The following SUMF1 variants were observed in gnomAD, a reference collection of about 807,000 sequenced individuals.
SUMF1 encodes formylglycine-generating enzyme.
SUMF1 carries 48 observed loss-of-function variants against 47.6 expected under a neutral mutation model. The observed-to-expected ratio is 1.01, with a 90% CI of 0.80 to 1.28. SUMF1 has a LOEUF of 1.28. Among genes scored for constraint, SUMF1 ranks in the 50% most tolerant of loss-of-function variants. The pLI is 0.00. For missense variants in SUMF1, 571 were observed against 485.4 expected, an observed-to-expected ratio of 1.18 and a Z score of -1.66; for synonymous variants, 230 against 192.1, an observed-to-expected ratio of 1.20 and a Z score of -1.63.
At chr3:4,292,806 C>CT (rs964066396) in intron 8 of SUMF1, among the ~76,000 whole-genome samples, 1 of 152,152 alleles carries the variant, frequency 6.6e-6, no homozygotes, top group African/African-American at 2.4e-5. Context: ...CAAAAATGCT[C>CT]TTTGGGGGAA....
At chr3:4,353,399 C>G (rs1041886834) in intron 8 of SUMF1, among the ~76,000 whole-genome samples, 12 of 152,122 alleles carry the variant, frequency 7.9e-5, no homozygotes, top group African/African-American at 2.7e-4. Flanking sequence ...ACTACAGGCA[C>G]CCGCCACCAC....
At chr3:4,265,778 A>C (rs1023468569) in intron 8 of SUMF1, among the ~76,000 whole-genome samples, 1 of 152,102 alleles carries the variant, frequency 6.6e-6, no homozygotes, top group Non-Finnish European at 1.5e-5. Flanking sequence ...CATTGCTTTT[A>C]GTGTTTTAGA....
At chr3:4,079,138 G>A (rs1692503810) in intron 8 of SUMF1, among the ~76,000 whole-genome samples, 1 of 151,894 alleles carries the variant, frequency 6.6e-6, no homozygotes, top group African/African-American at 2.4e-5. Flanking sequence ...CACACTAACC[G>A]CGAATTCAAG....
chr3:4,093,873 G>A (rs2125055366), intron 8 of SUMF1, among the ~76,000 whole-genome samples: 1 of 152,208 alleles, frequency 6.6e-6, no homozygotes, highest in African/African-American at 2.4e-5. Context: ...CCTATGGACA[G>A]TTGAAAAGTA....
chr3:4,139,568 A>ATGTGTGTGTGTGTGTG (rs370162925), intron 8 of SUMF1, among the ~76,000 whole-genome samples: 1 of 150,194 alleles, frequency 6.7e-6, no homozygotes, highest in Non-Finnish European at 1.5e-5. Context: ...ATATATATGC[A>ATGTGTGTGTGTGTGTG]TGTGTGTGTG....
chr3:4,180,479 T>C (rs1277374136), intron 8 of SUMF1, among the ~76,000 whole-genome samples: 1 of 150,466 alleles, frequency 6.6e-6, no homozygotes, highest in African/African-American at 2.5e-5. Flanking sequence ...CACTCATAGG[T>C]GGGAATTGAA....
At chr3:4,422,892 C>T (rs60440597) in intron 3 of SUMF1, among the ~76,000 whole-genome samples, 2,310 of 152,068 alleles carry the variant, frequency 0.015, 70 homozygotes, top group African/African-American at 0.053. Flanking sequence ...GATTTTGGTG[C>T]ACCCATCTCC....
chr3:4,384,698 T>G (rs1321060684), intron 7 of SUMF1, among the ~76,000 whole-genome samples: 1 of 152,174 alleles, frequency 6.6e-6, no homozygotes, highest in East Asian at 1.9e-4. Flanking sequence ...TATTCCATGG[T>G]GTGGATGTAT....
At chr3:4,374,144 C>G (rs895114789) in intron 8 of SUMF1, among the ~76,000 whole-genome samples, 4 of 152,150 alleles carry the variant, frequency 2.6e-5, no homozygotes, top group African/African-American at 9.6e-5. Flanking sequence ...AAGGTCTACT[C>G]TTACCATTCC....
intron 8 of SUMF1, among the ~76,000 whole-genome samples, chr3:4,245,287 G>A (rs963136710): frequency 3.3e-5 from 5 of 152,098 alleles, no homozygotes; most frequent in African/African-American, 1.2e-4. Flanking sequence ...TGCTAGCGAG[G>A]AGTTGTATTC....
rs577531703 is a variant in SUMF1, at chr3:4,132,698, G to A, written c.1015-63953C>T. On this transcript the variant is annotated intron_variant and NMD_transcript_variant, in intron 8 of 12. Coordinates refer to the SUMF1 transcript ENST00000448413. ...TTCCATTAAACTGGAAGTTAAGATTGCCACCTGGACACTTTGGGCTCCTCC... is the reference window on the plus strand; with the variant it reads ...TTCCATTAAACTGGAAGTTAAGATTACCACCTGGACACTTTGGGCTCCTCC... Among the ~76,000 whole-genome samples the A allele has an allele frequency of 1.8e-4, 27 of 152,224 alleles. No homozygotes were observed. The South Asian group carries it at 5.6e-3, about 32-fold the overall frequency.
chr3:4,164,605 C>T (rs1428667429), intron 8 of SUMF1, among the ~76,000 whole-genome samples: 2 of 152,160 alleles, frequency 1.3e-5, no homozygotes, highest in Non-Finnish European at 2.9e-5. Flanking sequence ...CATTTTCTGT[C>T]CTCTCTGAAC....
chr3:4,337,152 G>A (rs1575108728), intron 8 of SUMF1, among the ~76,000 whole-genome samples: 1 of 152,174 alleles, frequency 6.6e-6, no homozygotes. Flanking sequence ...AAGAGAGCCA[G>A]CAATATGTTC....
chr3:4,284,120 C>A (rs1697582497), intron 8 of SUMF1, among the ~76,000 whole-genome samples: 1 of 151,992 alleles, frequency 6.6e-6, no homozygotes, highest in South Asian at 2.1e-4. Context: ...GAAGTGCTAA[C>A]AAAGAAGGTG....
chr3:4,034,673 G>C (rs569357498), intron 9 of SUMF1, among the ~76,000 whole-genome samples: 1 of 151,994 alleles, frequency 6.6e-6, no homozygotes, highest in African/African-American at 2.4e-5. Context: ...CAAATATTCC[G>C]TGGCAGGCTC....
chr3:4,216,430 T>C (rs914278196), intron 8 of SUMF1, among the ~76,000 whole-genome samples: 6 of 151,922 alleles, frequency 3.9e-5, no homozygotes, highest in Non-Finnish European at 7.4e-5. Context: ...CCTAAAACCA[T>C]AAAAATCCTA....
intron 8 of SUMF1, among the ~76,000 whole-genome samples, chr3:4,167,050 G>A (rs1339448772): frequency 6.6e-6 from 1 of 152,024 alleles, no homozygotes; most frequent in African/African-American, 2.4e-5. Context: ...TACTCACCAC[G>A]TGGCGATACC....
chr3:4,240,180 T>C (rs987385812), intron 8 of SUMF1, among the ~76,000 whole-genome samples: 9 of 152,196 alleles, frequency 5.9e-5, no homozygotes, highest in African/African-American at 2.2e-4. Context: ...CAGTATTTTA[T>C]TGAGGATTTT....
chr3:4,076,805 CT>C (rs376830794), intron 8 of SUMF1, among the ~76,000 whole-genome samples: 51 of 152,184 alleles, frequency 3.4e-4, no homozygotes, highest in African/African-American at 1.2e-3. Flanking sequence ...CCAGACCATC[CT>C]GGCTAACATG....
Sources: gnomAD v4.1 joint callset for allele counts (sites outside exome capture counted in the v4.1 genomes callset) on GRCh38, gnomAD v4.1.1 for gene constraint, MANE v1.5 for transcripts, NCBI Gene and HGNC (gene_info 2026-07-23, HGNC 2026-07-21) for gene names.